Variants in SLC25A21 observed in about 807,000 individuals in gnomAD.
SLC25A21 encodes the protein solute carrier family 25 member 21.
In SLC25A21, 47 loss-of-function variants were observed where a neutral mutation model predicts 43.8. The observed-to-expected ratio is 1.07, with a 90% CI of 0.85 to 1.37. The LOEUF is 1.37. Ranked by LOEUF, SLC25A21 falls within the 40% of genes most tolerant of loss-of-function variation. The probability of loss-of-function intolerance (pLI) is 0.00; values close to 1 mark genes in which losing one functional copy is unlikely to be tolerated. For synonymous variants in SLC25A21, 131 were observed against 121.3 expected (o/e 1.08, Z -0.52); for missense variants, 352 against 350.2 (o/e 1.00, Z -0.04).
intron 1 of SLC25A21, among the ~76,000 whole-genome samples, chr14:37,129,729 C>T (rs1210832250): frequency 6.7e-6 from 1 of 150,074 alleles, no homozygotes; most frequent in Non-Finnish European, 1.5e-5. Flanking sequence ...CCATTGGGTG[C>T]CTATAGCCCT....
chr14:37,112,658 G>A (rs999553734), intron 1 of SLC25A21, among the ~76,000 whole-genome samples: 3 of 152,122 alleles, frequency 2.0e-5, no homozygotes, highest in Admixed American at 6.6e-5. Context: ...AACAATTTCA[G>A]GCCACATTTG....
chr14:36,727,189 A>G (rs139654267), intron 5 of SLC25A21, among the ~76,000 whole-genome samples: 1,986 of 152,246 alleles, frequency 0.013, 21 homozygotes, highest in Middle Eastern at 0.061. Context: ...ACTTTTCATT[A>G]TTTACCCAAA....
At chr14:36,944,880 G>A (rs978674084) in intron 1 of SLC25A21, among the ~76,000 whole-genome samples, 2 of 152,054 alleles carry the variant, frequency 1.3e-5, no homozygotes, top group Non-Finnish European at 2.9e-5. Flanking sequence ...TTTTTGTTGT[G>A]TGAATCAATT....
At chr14:37,073,350 C>A (rs186578492) in intron 1 of SLC25A21, among the ~76,000 whole-genome samples, 4 of 152,162 alleles carry the variant, frequency 2.6e-5, no homozygotes, top group Admixed American at 1.3e-4. Context: ...TTTGGGTCAT[C>A]ATTTCTTTCT....
At chr14:36,827,958 C>T (rs186178776) in intron 2 of SLC25A21, among the ~76,000 whole-genome samples, 5 of 152,186 alleles carry the variant, frequency 3.3e-5, no homozygotes, top group African/African-American at 1.2e-4. Flanking sequence ...AGACACAAGA[C>T]AACTTTTTTG....
chr14:36,680,124 C>A lies in SLC25A21; in HGVS notation c.*534G>T. On this transcript the variant is annotated 3_prime_UTR_variant, in exon 10 of 10. Transcript: ENST00000331299. ...CATAGTATTCATAAAATTAAACATT[C>A]TTAAAAGGTCATTTTAGTGCACTTT... The A allele has an allele frequency of 1.1e-6, 1 of 875,480 alleles. No homozygotes were observed. The highest frequency in any genetic ancestry group is 5.9e-4 in the Middle Eastern group (1 of 1,700). The allele number at this position is 875,480 out of a possible 1,614,324, so 54.2% of individuals were successfully genotyped here.
Position 36,679,528 on chromosome 14 carries a change from T to C in SLC25A21, c.*1130A>G. 1.0e-6 allele frequency: 1 copy of C among 985,390 alleles called. No individual in the cohort carries two copies. The highest frequency in any genetic ancestry group is 1.2e-6 in the Non-Finnish European group (1 of 829,900). The allele number at this position is 985,390 out of a possible 1,614,324, so 61.0% of individuals were successfully genotyped here. A position where few individuals can be genotyped will look rare whatever the true frequency, so the allele number is the denominator to read the frequency against. ...TCTGGATGCAGATATAAAATCAAGTTTGGTTACATCAAGACCAAGGAGATA... is the reference window on the plus strand; with the variant it reads ...TCTGGATGCAGATATAAAATCAAGTCTGGTTACATCAAGACCAAGGAGATA... On this transcript the variant is annotated 3_prime_UTR_variant, in exon 10 of 10. Transcript: ENST00000331299.
intron 3 of SLC25A21, among the ~76,000 whole-genome samples, chr14:36,774,257 C>T (rs947008523): frequency 1.3e-5 from 2 of 152,168 alleles, no homozygotes; most frequent in Non-Finnish European, 1.5e-5. Context: ...TTTGTAAATG[C>T]TAGTGGTCTA....
chr14:37,058,267 C>T (rs1961872736), intron 1 of SLC25A21, among the ~76,000 whole-genome samples: 1 of 152,170 alleles, frequency 6.6e-6, no homozygotes, highest in African/African-American at 2.4e-5. Context: ...ATACTACCTA[C>T]CAAAGCCTTT....
rs533637799 is a variant in SLC25A21, at chr14:36,995,009, T to C, written c.71-120005A>G. 8.5e-5 allele frequency among the ~76,000 whole-genome samples: 13 copies of C among 152,292 alleles called. No individual in the cohort carries two copies. In the South Asian group the frequency reaches 2.3e-3, roughly 27 times the overall value. On this transcript the variant is annotated intron_variant, in intron 1 of 9. Transcript: ENST00000331299. ...ATAAGCAAATGACTGAAATTCTCTT[T>C]CCGTTTTCCCTGATCCTGGGTCAAC...
intron 2 of SLC25A21, among the ~76,000 whole-genome samples, chr14:36,850,711 TG>T (rs1440605985): frequency 4.5e-4 from 68 of 152,332 alleles, no homozygotes; most frequent in Non-Finnish European, 7.3e-5. Flanking sequence ...ACAGATCTCT[TG>T]ATCTGTAGCA....
intron 2 of SLC25A21, among the ~76,000 whole-genome samples, chr14:36,869,004 CA>C (rs1467627426): frequency 6.6e-6 from 1 of 152,210 alleles, no homozygotes; most frequent in Non-Finnish European, 1.5e-5. Flanking sequence ...TGGGCTCTGG[CA>C]ACACCACCTT....
At chr14:36,956,076 C>T (rs1302094025) in intron 1 of SLC25A21, among the ~76,000 whole-genome samples, 1 of 152,012 alleles carries the variant, frequency 6.6e-6, no homozygotes, top group Non-Finnish European at 1.5e-5. Flanking sequence ...GTCAGAGATA[C>T]CCCCCACTAT....
intron 2 of SLC25A21, among the ~76,000 whole-genome samples, chr14:36,830,248 T>C (rs1888987940): frequency 6.6e-6 from 1 of 152,230 alleles, no homozygotes; most frequent in South Asian, 2.1e-4. Flanking sequence ...AGATCGTTCA[T>C]ATTTGTTTTA....
At position 36,724,642 on chromosome 14, in the gene SLC25A21, A is replaced by T. The variant is rs1378500289; in HGVS notation, c.438+928T>A. On this transcript the variant is annotated intron_variant, in intron 6 of 9. Coordinates refer to ENST00000331299, the MANE Select transcript of SLC25A21 (RefSeq NM_030631.4). ...AGCTGGATTTGGCAGTTGAAAGGGA[A>T]TTCTTAGGTAACTGGAAGGAAGTGA... is the stretch of plus-strand genomic sequence containing the variant. Among the ~76,000 whole-genome samples the T allele has an allele frequency of 2.6e-5, 4 of 152,224 alleles. No homozygotes were observed. In the East Asian group the frequency reaches 7.7e-4, roughly 29 times the overall value.
intron 2 of SLC25A21, among the ~76,000 whole-genome samples, chr14:36,827,117 T>G (rs1036601273): frequency 6.6e-6 from 1 of 152,250 alleles, no homozygotes; most frequent in African/African-American, 2.4e-5. Context: ...TAAAATGCCC[T>G]TCTGTGCTTT....
At chr14:37,036,819 G>A (rs1004436347) in intron 1 of SLC25A21, among the ~76,000 whole-genome samples, 4 of 152,104 alleles carry the variant, frequency 2.6e-5, no homozygotes, top group Admixed American at 6.6e-5. Flanking sequence ...CATACATCAG[G>A]GGAGAAGAAA....
intron 1 of SLC25A21, among the ~76,000 whole-genome samples, chr14:36,956,720 C>A (rs182948041): frequency 2.1e-4 from 32 of 151,916 alleles, no homozygotes; most frequent in Admixed American, 1.3e-3. Context: ...AATTAACTTA[C>A]GAATAATGGG....
intron 1 of SLC25A21, among the ~76,000 whole-genome samples, chr14:37,081,684 T>C (rs1215923457): frequency 2.0e-5 from 3 of 152,220 alleles, no homozygotes; most frequent in Non-Finnish European, 1.5e-5. Flanking sequence ...CAATTAGGAA[T>C]TAAAATATTT....
Sources: allele counts gnomAD v4.1 joint callset (sites outside exome capture counted in the v4.1 genomes callset), GRCh38; gene constraint gnomAD v4.1.1; transcripts MANE v1.5; gene names NCBI Gene and HGNC (gene_info 2026-07-23, HGNC 2026-07-21).